The following CNTN5 variants were observed in gnomAD, a reference collection of about 807,000 sequenced individuals.
The protein encoded by CNTN5 is contactin-5.
Under a neutral mutation model 129.1 loss-of-function variants are expected in CNTN5, and 77 were observed. The observed-to-expected ratio is 0.60, with a 90% CI of 0.50 to 0.72. The LOEUF (loss-of-function observed/expected upper bound fraction) is 0.72. CNTN5 is among the 30% of genes least tolerant of loss of function. The pLI, the probability that CNTN5 is intolerant of heterozygous loss-of-function variation, is 0.00. For synonymous variants in CNTN5, 509 were observed against 465.6 expected (o/e 1.09, Z -1.20); for missense variants, 1,478 against 1,328.8 (o/e 1.11, Z -1.75).
intron 3 of CNTN5, among the ~76,000 whole-genome samples, chr11:99,760,608 A>G (rs1944546574): frequency 6.6e-6 from 1 of 152,150 alleles, no homozygotes; most frequent in Non-Finnish European, 1.5e-5. Flanking sequence ...ACCATTGTAA[A>G]TGACTTGATT....
At chr11:99,899,667 A>AATT (rs2135943733) in intron 6 of CNTN5, among the ~76,000 whole-genome samples, 1 of 152,098 alleles carries the variant, frequency 6.6e-6, no homozygotes, top group East Asian at 1.9e-4. Flanking sequence ...GTTAATCAGA[A>AATT]ATATTGACCT....
At chr11:100,018,865 T>C (rs1940972803) in intron 9 of CNTN5, among the ~76,000 whole-genome samples, 1 of 151,972 alleles carries the variant, frequency 6.6e-6, no homozygotes, top group Admixed American at 6.6e-5. Context: ...CCATTTAATA[T>C]GCATGTAGTG....
At chr11:100,161,588 TAGAC>T (rs1947447733) in intron 13 of CNTN5, among the ~76,000 whole-genome samples, 1 of 151,860 alleles carries the variant, frequency 6.6e-6, no homozygotes, top group African/African-American at 2.4e-5. Context: ...TGACTTCACA[TAGAC>T]AGTAGGAAGA....
At chr11:99,958,954 G>A (rs1394673631) in intron 8 of CNTN5, among the ~76,000 whole-genome samples, 1 of 152,144 alleles carries the variant, frequency 6.6e-6, no homozygotes, top group African/African-American at 2.4e-5. Flanking sequence ...TAGCACATGT[G>A]TAAGACAGTG....
chr11:99,647,625 T>C (rs186760939), intron 3 of CNTN5, among the ~76,000 whole-genome samples: 54 of 152,162 alleles, frequency 3.5e-4, no homozygotes, highest in Admixed American at 8.5e-4. Context: ...TTGCTTTGCA[T>C]AGTATGAACA....
At chr11:99,221,217 A>AT (rs1427084933) in intron 1 of CNTN5, among the ~76,000 whole-genome samples, 1 of 151,854 alleles carries the variant, frequency 6.6e-6, no homozygotes, top group Non-Finnish European at 1.5e-5. Context: ...ATCACTCTAT[A>AT]TTTTTTAATA....
At chr11:100,138,382 C>A (rs1946593159) in intron 13 of CNTN5, among the ~76,000 whole-genome samples, 3 of 151,992 alleles carry the variant, frequency 2.0e-5, no homozygotes, top group Non-Finnish European at 1.5e-5. Context: ...AAAACAAAGT[C>A]TCTGCCTTAA....
intron 3 of CNTN5, among the ~76,000 whole-genome samples, chr11:99,808,368 C>T (rs1391402711): frequency 6.6e-6 from 1 of 152,134 alleles, no homozygotes; most frequent in Non-Finnish European, 1.5e-5. Context: ...ATCACAACCA[C>T]AGCAGATGAG....
chr11:100,132,577 A>G (rs894129052), intron 13 of CNTN5, among the ~76,000 whole-genome samples: 1 of 152,182 alleles, frequency 6.6e-6, no homozygotes, highest in East Asian at 1.9e-4. Context: ...GGATTGGTCC[A>G]TTATGCACAT....
chr11:100,034,745 T>C (rs796866496), intron 9 of CNTN5, among the ~76,000 whole-genome samples: 2 of 152,280 alleles, frequency 1.3e-5, no homozygotes, highest in African/African-American at 4.8e-5. Context: ...GCTTATATGT[T>C]TAGTGTGTCT....
At chr11:99,724,551 A>G (rs1339058179) in intron 3 of CNTN5, among the ~76,000 whole-genome samples, 1 of 152,190 alleles carries the variant, frequency 6.6e-6, no homozygotes, top group Non-Finnish European at 1.5e-5. Context: ...GAGGACAGGT[A>G]CTATTATTAT....
At chr11:99,158,954 T>C (rs1251685951) in intron 1 of CNTN5, among the ~76,000 whole-genome samples, 3 of 152,210 alleles carry the variant, frequency 2.0e-5, no homozygotes, top group African/African-American at 7.2e-5. Flanking sequence ...AATTCATTCT[T>C]ATTACACCAA....
At chr11:99,701,298 A>C (rs752159606) in intron 3 of CNTN5, among the ~76,000 whole-genome samples, 6 of 151,360 alleles carry the variant, frequency 4.0e-5, no homozygotes, top group Non-Finnish European at 7.4e-5. Flanking sequence ...TCATCTCAGA[A>C]AGCTGAGTTT....
intron 10 of CNTN5, among the ~76,000 whole-genome samples, chr11:100,062,372 C>T (rs1390798380): frequency 6.6e-6 from 1 of 152,124 alleles, no homozygotes; most frequent in East Asian, 1.9e-4. Context: ...TGAATTCAAC[C>T]AGTCTTTCTT....
intron 15 of CNTN5, among the ~76,000 whole-genome samples, chr11:100,199,064 A>G (rs1948714802): frequency 6.6e-6 from 1 of 151,974 alleles, no homozygotes; most frequent in Non-Finnish European, 1.5e-5. Context: ...GTAAAAATCA[A>G]TGGAATGCTT....
chr11:100,113,585 A>G (rs572535016), intron 13 of CNTN5, among the ~76,000 whole-genome samples: 1 of 152,094 alleles, frequency 6.6e-6, no homozygotes, highest in African/African-American at 2.4e-5. Flanking sequence ...ATTAAAGTGG[A>G]TGAAGGGAGC....
At chr11:100,298,044 G>A (rs1264699476) in intron 19 of CNTN5, among the ~76,000 whole-genome samples, 3 of 151,402 alleles carry the variant, frequency 2.0e-5, no homozygotes, top group Admixed American at 6.6e-5. Context: ...AGGAAAAAGA[G>A]TGGAGATGAA....
intron 3 of CNTN5, among the ~76,000 whole-genome samples, chr11:99,659,104 G>T (rs1417052703): frequency 6.6e-6 from 1 of 151,900 alleles, no homozygotes; most frequent in African/African-American, 2.4e-5. Flanking sequence ...GGCTTTGGAG[G>T]GTTGGGAATG....
At chr11:99,650,595 TA>T (rs147271090) in intron 3 of CNTN5, among the ~76,000 whole-genome samples, 1 of 152,048 alleles carries the variant, frequency 6.6e-6, no homozygotes, top group Admixed American at 6.6e-5. Flanking sequence ...CTTCCTGTGA[TA>T]AAAGTTTTCT....
Sources: gnomAD v4.1 joint callset for allele counts (sites outside exome capture counted in the v4.1 genomes callset) on GRCh38, gnomAD v4.1.1 for gene constraint, MANE v1.5 for transcripts, NCBI Gene and HGNC (gene_info 2026-07-23, HGNC 2026-07-21) for gene names.